Variants in TMEM266 observed in about 807,000 individuals in gnomAD.
TMEM266 encodes Hv1 related protein 1.
A neutral mutation model predicts 50.5 loss-of-function variants in TMEM266; 33 were observed. The ratio of observed to expected loss-of-function variants is 0.65; its 90% CI spans 0.50 to 0.87. The LOEUF (loss-of-function observed/expected upper bound fraction) is 0.87, where lower values mean the gene tolerates loss of function less well. Among genes scored for constraint, TMEM266 ranks in the 40% least tolerant of loss-of-function variants. The pLI is 0.00. For missense variants in TMEM266, 655 were observed against 695.1 expected (o/e 0.94, Z 0.65); for synonymous variants, 310 against 292.3 (o/e 1.06, Z -0.62).
intron 1 of TMEM266, among the ~76,000 whole-genome samples, chr15:76,066,980 A>G (rs148551218): frequency 6.6e-6 from 1 of 151,804 alleles, no homozygotes; most frequent in East Asian, 1.9e-4. Context: ...TACCGCGATT[A>G]CCCCCCGTCC....
At chr15:76,146,945 G>T (rs1043877463) in intron 3 of TMEM266, among the ~76,000 whole-genome samples, 1 of 152,232 alleles carries the variant, frequency 6.6e-6, no homozygotes, top group African/African-American at 2.4e-5. Context: ...TCACGGCAGG[G>T]ATCAGATCAC....
intron 7 of TMEM266, among the ~76,000 whole-genome samples, chr15:76,173,762 G>A (rs1378247039): frequency 2.0e-5 from 3 of 151,696 alleles, no homozygotes; most frequent in Admixed American, 2.0e-4. Context: ...GTGAAACCCC[G>A]TCTCTACTAA....
At chr15:76,065,785 C>T (rs938764870) in intron 1 of TMEM266, among the ~76,000 whole-genome samples, 7 of 152,070 alleles carry the variant, frequency 4.6e-5, no homozygotes, top group Non-Finnish European at 7.4e-5. Flanking sequence ...AACCCAAATG[C>T]CTCCCTCTAG....
At chr15:76,085,561 A>G (rs1436297575) in intron 1 of TMEM266, among the ~76,000 whole-genome samples, 1 of 151,858 alleles carries the variant, frequency 6.6e-6, no homozygotes, top group East Asian at 1.9e-4. Context: ...TACCTGGCCC[A>G]GATTTGCATT....
chr15:76,084,038 G>C (rs893996623), intron 1 of TMEM266, among the ~76,000 whole-genome samples: 1 of 152,166 alleles, frequency 6.6e-6, no homozygotes, highest in Admixed American at 6.5e-5. Flanking sequence ...CGGGCGTGTG[G>C]TCGCTCATTA....
intron 3 of TMEM266, among the ~76,000 whole-genome samples, chr15:76,142,430 T>C (rs2037694901): frequency 6.6e-6 from 1 of 152,184 alleles, no homozygotes; most frequent in African/African-American, 2.4e-5. Flanking sequence ...TTCAATGCTT[T>C]TGGGTATATA....
At chr15:76,072,750 G>T (rs1282478639) in intron 1 of TMEM266, among the ~76,000 whole-genome samples, 3 of 151,368 alleles carry the variant, frequency 2.0e-5, no homozygotes, top group African/African-American at 7.3e-5. Context: ...CTATTCTCCT[G>T]CCTCAGCCTC....
intron 1 of TMEM266, among the ~76,000 whole-genome samples, chr15:76,083,509 A>C (rs1002241006): frequency 6.6e-6 from 1 of 152,026 alleles, no homozygotes; most frequent in Non-Finnish European, 1.5e-5. Context: ...TACCGTAGGG[A>C]GGAAACATAC....
At chr15:76,130,248 A>C (rs1045696161) in intron 1 of TMEM266, among the ~76,000 whole-genome samples, 2 of 96,284 alleles carry the variant, frequency 2.1e-5, no homozygotes, top group Non-Finnish European at 1.9e-5. Context: ...AAAAAAAAAA[A>C]AAAAAACCGC....
chr15:76,200,641 A>AT (rs2038731477), intron 9 of TMEM266, among the ~76,000 whole-genome samples: 1 of 152,114 alleles, frequency 6.6e-6, no homozygotes, highest in Non-Finnish European at 1.5e-5. Flanking sequence ...GATTGACCAG[A>AT]TCCCCCAACC....
At chr15:76,070,342 T>G (rs756159959) in intron 1 of TMEM266, among the ~76,000 whole-genome samples, 16 of 152,224 alleles carry the variant, frequency 1.1e-4, no homozygotes, top group Non-Finnish European at 1.9e-4. Context: ...GAGAAGGGAC[T>G]TATTTCTTTA....
At chr15:76,155,696 T>C in intron 3 of TMEM266, among the ~76,000 whole-genome samples, 1 of 152,104 alleles carries the variant, frequency 6.6e-6, no homozygotes, top group East Asian at 1.9e-4. Context: ...TGGACCCAAA[T>C]TTCCCAAAAC....
Position 76,204,652 on chromosome 15 carries a change from T to G in TMEM266, c.*337T>G. 1 of 200,624 alleles carries G rather than the reference T, an allele frequency of 5.0e-6. No homozygotes were observed. Among genetic ancestry groups the G allele is most frequent in the East Asian group, 1.2e-4 (1 of 8,320 alleles). The allele number at this position is 200,624 out of a possible 1,614,324, so 12.4% of individuals were successfully genotyped here. ...CAGCCTCTTGCGTTGCCTTCGTTCC[T>G]GACGCCCACCCTGGACTCTAGGGAA... On this transcript the variant is annotated 3_prime_UTR_variant, in exon 11 of 11. Coordinates refer to ENST00000388942, the MANE Select transcript of TMEM266 (RefSeq NM_152335.3).
At chr15:76,101,588 G>A (rs1596104674) in intron 1 of TMEM266, among the ~76,000 whole-genome samples, 1 of 152,146 alleles carries the variant, frequency 6.6e-6, no homozygotes, top group Non-Finnish European at 1.5e-5. Context: ...TGATATAGTC[G>A]GACTAGTTCC....
chr15:76,171,490 C>G (rs1369207123), intron 7 of TMEM266, among the ~76,000 whole-genome samples: 1 of 152,204 alleles, frequency 6.6e-6, no homozygotes, highest in Non-Finnish European at 1.5e-5. Context: ...CGATGCACAC[C>G]TGCTGCTGGC....
chr15:76,181,718 G>C (rs1428436707), intron 8 of TMEM266, among the ~76,000 whole-genome samples: 2 of 152,100 alleles, frequency 1.3e-5, no homozygotes, highest in African/African-American at 2.4e-5. Flanking sequence ...TGTCTTGGCT[G>C]CTTCAGAAAC....
rs933740584 is a variant in TMEM266, at chr15:76,153,243, A to G, written c.228-3361A>G. ...GTCTCCTGTTGATAGGGAACTGAATATATGGAACTAGTGCTCCTGAATACA... is the reference window on the plus strand; with the variant it reads ...GTCTCCTGTTGATAGGGAACTGAATGTATGGAACTAGTGCTCCTGAATACA... On this transcript the variant is annotated intron_variant, in intron 3 of 10. Transcript: ENST00000388942. The surrounding 1 kb of genome is among the most constrained non-coding windows in gnomAD (Gnocchi z 4.2). Among the ~76,000 whole-genome samples, 1 of 152,180 alleles carries G rather than the reference A, an allele frequency of 6.6e-6. No homozygotes were observed. Among genetic ancestry groups the G allele is most frequent in the African/African-American group, 2.4e-5 (1 of 41,446 alleles).
At chr15:76,102,861 C>T (rs76775728) in intron 1 of TMEM266, among the ~76,000 whole-genome samples, 1 of 127,100 alleles carries the variant, frequency 7.9e-6, no homozygotes, top group Non-Finnish European at 1.6e-5. Flanking sequence ...AAAAAAAAAA[C>T]GGAGTCAGTG....
intron 1 of TMEM266, among the ~76,000 whole-genome samples, chr15:76,117,177 G>A (rs186228573): frequency 4.9e-4 from 74 of 152,180 alleles, no homozygotes; most frequent in South Asian, 1.0e-3. Context: ...GGGATTACAG[G>A]TGTGAGCCAG....
Sources: allele counts gnomAD v4.1 joint callset (sites outside exome capture counted in the v4.1 genomes callset), GRCh38; gene constraint gnomAD v4.1.1; non-coding constraint Gnocchi (gnomAD v3.1); transcripts MANE v1.5; gene names NCBI Gene and HGNC (gene_info 2026-07-23, HGNC 2026-07-21).